The following ETFA variants were observed in gnomAD, a reference collection of about 807,000 sequenced individuals.
ETFA encodes the protein electron transfer flavoprotein subunit alpha.
In ETFA, 22 loss-of-function variants were observed where a neutral mutation model predicts 46.2. The observed-to-expected ratio is 0.48, with a 90% confidence interval of 0.34 to 0.68. The LOEUF is 0.68. Ranked by LOEUF, ETFA falls within the 30% of genes least tolerant of loss-of-function variation. The pLI is 0.01. For missense variants in ETFA, 345 were observed against 401.1 expected (o/e 0.86, Z 1.19); for synonymous variants, 131 against 139.9 (o/e 0.94, Z 0.45).
At chr15:76,229,428 C>A (rs2039041451) in intron 10 of ETFA, among the ~76,000 whole-genome samples, 1 of 152,222 alleles carries the variant, frequency 6.6e-6, no homozygotes, top group African/African-American at 2.4e-5. Flanking sequence ...TTTGCTCTGA[C>A]GTACACTACC....
intron 9 of ETFA, among the ~76,000 whole-genome samples, chr15:76,245,006 G>T (rs1374984202): frequency 6.6e-6 from 1 of 152,202 alleles, no homozygotes; most frequent in Non-Finnish European, 1.5e-5. Flanking sequence ...GTAAAAATTA[G>T]CTGAGAAGAC....
chr15:76,273,892 G>A (rs1193171438), intron 9 of ETFA, among the ~76,000 whole-genome samples: 1 of 152,100 alleles, frequency 6.6e-6, no homozygotes. Context: ...CTTAACTGAA[G>A]AATATTCTAG....
intron 9 of ETFA, among the ~76,000 whole-genome samples, chr15:76,247,867 G>A (rs563682180): frequency 6.6e-5 from 10 of 152,168 alleles, no homozygotes; most frequent in Non-Finnish European, 1.0e-4. Context: ...TTAAGATTTT[G>A]TAATTGAGGG....
intron 11 of ETFA, among the ~76,000 whole-genome samples, chr15:76,225,348 G>A (rs2038993553): frequency 6.6e-6 from 1 of 152,160 alleles, no homozygotes; most frequent in African/African-American, 2.4e-5. Context: ...GAGTGTAGTG[G>A]CACGATCTCT....
chr15:76,281,203 C>T (rs1319937866), intron 8 of ETFA, among the ~76,000 whole-genome samples: 2 of 152,034 alleles, frequency 1.3e-5, no homozygotes, highest in Non-Finnish European at 2.9e-5. Flanking sequence ...CGGGGTTTCA[C>T]CACGTGGGCC....
chr15:76,263,044 C>T (rs558927686), intron 9 of ETFA, among the ~76,000 whole-genome samples: 1 of 152,284 alleles, frequency 6.6e-6, no homozygotes, highest in African/African-American at 2.4e-5. Flanking sequence ...CTAGCACTCC[C>T]CTTATCTCAA....
intron 1 of ETFA, among the ~76,000 whole-genome samples, chr15:76,306,808 C>T (rs1166618397): frequency 6.6e-6 from 1 of 152,150 alleles, no homozygotes; most frequent in Non-Finnish European, 1.5e-5. Flanking sequence ...ACTAAAAACA[C>T]AGTCAATTTA....
In ETFA at chr15:76,231,538, TTTTC is replaced by T. The variant is rs144255270; in HGVS notation, c.817-144_817-141del. On this transcript the variant is annotated intron_variant, in intron 9 of 11. Transcript: ENST00000557943. Reference sequence around the variant, plus strand: ...GCAAAATGTATTGCTTAAATTATGCTTTTCTTTTTCTCTGATCTCCTTAACCTAC... The same window carrying T: ...GCAAAATGTATTGCTTAAATTATGCTTTTTTCTCTGATCTCCTTAACCTAC... 1,140 of 579,408 alleles carry T rather than the reference TTTTC, an allele frequency of 2.0e-3. 17 individuals are homozygous for T. The highest frequency in any genetic ancestry group is 0.02 in the African/African-American group (1,043 of 53,134). 35.9% of individuals were successfully genotyped at this position (579,408 alleles called of 1,614,324 possible). A position where few individuals can be genotyped will look rare whatever the true frequency, so the allele number is the denominator to read the frequency against.
intron 10 of ETFA, among the ~76,000 whole-genome samples, chr15:76,228,501 A>C (rs74762436): frequency 0.018 from 2,729 of 152,172 alleles, 86 homozygotes; most frequent in African/African-American, 0.063. Flanking sequence ...CTGCCTTAAA[A>C]GTTATTTTTA....
chr15:76,305,267 C>A (rs1314105923), intron 1 of ETFA, among the ~76,000 whole-genome samples: 1 of 152,182 alleles, frequency 6.6e-6, no homozygotes, highest in Non-Finnish European at 1.5e-5. Flanking sequence ...GTTTGCATCA[C>A]AAGGGCAGGG....
chr15:76,269,713 A>G (rs1446852225), intron 9 of ETFA, among the ~76,000 whole-genome samples: 2 of 152,204 alleles, frequency 1.3e-5, no homozygotes, highest in Non-Finnish European at 2.9e-5. Flanking sequence ...CAGATGCAGA[A>G]AACATCTGAC....
intron 9 of ETFA, among the ~76,000 whole-genome samples, chr15:76,243,333 A>G (rs1261659367): frequency 6.6e-6 from 1 of 152,092 alleles, no homozygotes; most frequent in East Asian, 1.9e-4. Context: ...ATTTTACCAC[A>G]ATAAAAAAAA....
At chr15:76,299,022 T>C (rs1425152304) in intron 1 of ETFA, among the ~76,000 whole-genome samples, 1 of 152,258 alleles carries the variant, frequency 6.6e-6, no homozygotes, top group African/African-American at 2.4e-5. Context: ...ACAATAGTTA[T>C]GAGAGGAAAA....
chr15:76,235,482 G>A lies in ETFA; in HGVS notation c.817-4084C>T, dbSNP rs114401379. Among the ~76,000 whole-genome samples, 1,109 of 152,280 alleles carry A rather than the reference G, an allele frequency of 7.3e-3. 18 individuals carry two copies. The highest frequency in any genetic ancestry group is 0.025 in the African/African-American group (1,055 of 41,554). On this transcript the variant is annotated intron_variant, in intron 9 of 11. Transcript: ENST00000557943. Reference sequence around the variant, plus strand: ...AGAGTTGTGTGGACTTGAAGTACTGGGTGGCCAGAATCCCCTGTGGTACAA... The same window carrying A: ...AGAGTTGTGTGGACTTGAAGTACTGAGTGGCCAGAATCCCCTGTGGTACAA...
intron 9 of ETFA, among the ~76,000 whole-genome samples, chr15:76,233,091 A>G (rs1249698434): frequency 6.6e-6 from 1 of 152,204 alleles, no homozygotes; most frequent in African/African-American, 2.4e-5. Context: ...TGGCGTAATA[A>G]GACTGTGTCT....
At chr15:76,290,709 A>C (rs2039752252) in intron 4 of ETFA, among the ~76,000 whole-genome samples, 1 of 152,154 alleles carries the variant, frequency 6.6e-6, no homozygotes, top group Non-Finnish European at 1.5e-5. Flanking sequence ...TTTAGAAGTA[A>C]AAAATATATA....
chr15:76,285,076 G>C, intron 7 of ETFA: 1 of 228,642 alleles, frequency 4.4e-6, no homozygotes, highest in South Asian at 4.2e-5. Context: ...AAGCATAACA[G>C]TCCTTATTTT....
chr15:76,304,848 T>C (rs970530977), intron 1 of ETFA, among the ~76,000 whole-genome samples: 27 of 151,872 alleles, frequency 1.8e-4, no homozygotes, highest in Non-Finnish European at 3.1e-4. Flanking sequence ...AGCGAGACCA[T>C]CCTGGCTAAC....
At chr15:76,228,376 G>C (rs1186592551) in intron 10 of ETFA, 2 of 199,596 alleles carry the variant, frequency 1.0e-5, no homozygotes, top group African/African-American at 4.7e-5. Flanking sequence ...GGAGAGATGG[G>C]GTTCTCACTG....
Sources: allele counts gnomAD v4.1 joint callset (sites outside exome capture counted in the v4.1 genomes callset), GRCh38; gene constraint gnomAD v4.1.1; transcripts MANE v1.5; gene names NCBI Gene and HGNC (gene_info 2026-07-23, HGNC 2026-07-21).